VSIG10L: variants seen among roughly 807,000 people sequenced by gnomAD.
The protein encoded by VSIG10L is V-set and immunoglobulin domain-containing protein 10-like.
Under a neutral mutation model 67.3 loss-of-function variants are expected in VSIG10L, and 63 were observed. The ratio of observed to expected loss-of-function variants is 0.94; its 90% CI spans 0.76 to 1.15. VSIG10L has a LOEUF of 1.15. VSIG10L is among the 50% of genes most tolerant of loss of function. The probability of loss-of-function intolerance (pLI) is 0.00; values close to 1 mark genes in which losing one functional copy is unlikely to be tolerated. For missense variants in VSIG10L, 1,050 were observed against 1,177.5 expected (o/e 0.89, Z 1.58); for synonymous variants, 499 against 524.9 (o/e 0.95, Z 0.67).
At position 51,341,569 on chromosome 19, in the gene VSIG10L, T is replaced by A. The variant is rs765890530; in HGVS notation, c.479A>T (p.Asp160Val). ...SHTKLSVEAP[D>V]SKFSPDDMDL... Reference sequence around the variant, plus strand: ...CATATCATCCGGGGAGAATTTTGAATCTGGGGCCTCAACAGACAGTTTGGT... The same window carrying A: ...CATATCATCCGGGGAGAATTTTGAAACTGGGGCCTCAACAGACAGTTTGGT... The change falls in exon 2 of 10, where the codon GAT (aspartate) becomes GTT (valine). Residue 160 changes from aspartate to valine, a missense_variant. This residue lies in a region of VSIG10L where 511 missense variants were observed against 557.9 expected (regional missense o/e 0.92). Transcript: ENST00000335624. The A allele has an allele frequency of 1.3e-5, 20 of 1,551,544 alleles. No homozygotes were observed. Among genetic ancestry groups the A allele is most frequent in the African/African-American group, 1.2e-4 (9 of 73,020 alleles).
At chr19:51,337,574 A>G (rs1599833482) in intron 6 of VSIG10L, 40 bp from the exon 7 acceptor site, 30 of 620,966 alleles carry the variant, frequency 4.8e-5, no homozygotes, top group South Asian at 3.5e-4. Flanking sequence ...TGGGTGCCAG[A>G]GGGGAGAGGG....
At position 51,334,234 on chromosome 19, in the gene VSIG10L, G is replaced by A. The variant is rs747614925; in HGVS notation, c.2376C>T (p.Ala792=). ...AGCAGATGCAAAGGAGGAGAAGTAC[G>A]GCTAGCAGCGCCAGGCCCAGCAGGG... ...LGSLLGLALL[A]VLLLLCICCL... Residue 792 remains alanine, a synonymous_variant, in exon 8 of 10, where the codon GCC becomes GCT. Coordinates refer to ENST00000335624, the MANE Select transcript of VSIG10L (RefSeq NM_001163922.3). 5 of 1,551,780 alleles carry A rather than the reference G, an allele frequency of 3.2e-6. No individual in the cohort carries two copies. Among genetic ancestry groups the A allele is most frequent in the Non-Finnish European group, 3.5e-6 (4 of 1,147,022 alleles).
Position 51,340,469 on chromosome 19 carries a change from C to G in VSIG10L, c.1153G>C (p.Gly385Arg), listed in dbSNP as rs1482828639. 4.0e-6 allele frequency: 6 copies of G among 1,507,528 alleles called. No homozygotes were observed. The East Asian group carries it at 7.6e-5, about 19-fold the overall frequency. The allele number at this position is 1,507,528 out of a possible 1,614,324, so 93.4% of individuals were successfully genotyped here. Residue 385 changes from glycine to arginine, a missense_variant, in exon 3 of 10, where the codon GGC (glycine) becomes CGC (arginine). Physicochemically the swap from Gly to Arg is moderately radical, Grantham distance 125. Transcript: ENST00000335624. This position sits in a 1 kb window ranked among gnomAD's most constrained non-coding sequence, Gnocchi z 6.3. ...ACGTCGGCGGCAGCCTCCCTGTGGC[C>G]GAAGGGGCTGCGGACGCGGCAAGTG... Reference protein sequence around the residue: ...RYTCRVRSPFGHREAAADVSV... With the variant: ...RYTCRVRSPFRHREAAADVSV...
chr19:51,338,830 C>G, intron 5 of VSIG10L, 58 bp downstream of exon 5: 1 of 1,337,352 alleles, frequency 7.5e-7, no homozygotes, highest in Non-Finnish European at 9.7e-7. Context: ...TTCGAAGGAC[C>G]AAAGAAAAAG....
intron 5 of VSIG10L, 36 bp from the exon 6 acceptor site, chr19:51,338,244 A>G: frequency 6.9e-7 from 1 of 1,443,954 alleles, no homozygotes; most frequent in Non-Finnish European, 9.1e-7. Context: ...GAAAGTCAAG[A>G]CCTTACCTTG....
intron 5 of VSIG10L, among the ~76,000 whole-genome samples, chr19:51,338,668 A>G (rs1985548612): frequency 6.6e-6 from 1 of 152,112 alleles, no homozygotes; most frequent in African/African-American, 2.4e-5. Flanking sequence ...TGTGAAAGTG[A>G]TGGCCTTCTT....
intron 9 of VSIG10L, 84 bp from the exon 10 acceptor site, chr19:51,332,724 C>T: frequency 7.6e-7 from 1 of 1,310,604 alleles, no homozygotes; most frequent in East Asian, 2.6e-5. Context: ...TTTTCTAGCT[C>T]TTGCTTGAAC....
In VSIG10L at chr19:51,338,998, A is replaced by G; in HGVS notation, c.1619T>C (p.Val540Ala). ...GLPEGIRAGPVSSVLLAAVPA... is the reference protein window; with the variant it reads ...GLPEGIRAGPASSVLLAAVPA... Reference sequence around the variant, plus strand: ...GACGGCCGCCAGCAGCACAGAGGACACTGGCCCGGCGCGGATGCCTTCGGG... The same window carrying G: ...GACGGCCGCCAGCAGCACAGAGGACGCTGGCCCGGCGCGGATGCCTTCGGG... Residue 540 changes from valine to alanine, a missense_variant, in exon 5 of 10, where the codon GTG (valine) becomes GCG (alanine). Around this residue, in one of 3 missense-constraint regions of VSIG10L, gnomAD observed 529 missense variants for 584.9 expected, o/e 0.90. Transcript: ENST00000335624. 7.1e-7 allele frequency: 1 copy of G among 1,406,660 alleles called. No homozygotes were observed. Among genetic ancestry groups the G allele is most frequent in the Admixed American group, 3.3e-5 (1 of 30,596 alleles). The allele number at this position is 1,406,660 out of a possible 1,614,324, so 87.1% of individuals were successfully genotyped here. A position where few individuals can be genotyped will look rare whatever the true frequency, so the allele number is the denominator to read the frequency against.
intron 7 of VSIG10L, among the ~76,000 whole-genome samples, chr19:51,335,372 A>G (rs1289881715): frequency 1.3e-5 from 2 of 152,198 alleles, no homozygotes; most frequent in Non-Finnish European, 2.9e-5. Flanking sequence ...AAAGAGACCA[A>G]ATAAACTGCT....
intron 7 of VSIG10L, among the ~76,000 whole-genome samples, chr19:51,336,548 CCTT>C (rs897886141): frequency 3.3e-5 from 5 of 151,638 alleles, no homozygotes; most frequent in African/African-American, 1.2e-4. Flanking sequence ...GAGCAAAACT[CCTT>C]CTCAAAAAAG....
At chr19:51,333,529 CAAA>C (rs1190779104) in intron 9 of VSIG10L, among the ~76,000 whole-genome samples, 3 of 117,340 alleles carry the variant, frequency 2.6e-5, no homozygotes, top group Non-Finnish European at 3.7e-5. Flanking sequence ...ACTCTGTCTC[CAAA>C]AAAAAAAAAA....
At chr19:51,333,569 C>A (rs1027376257) in intron 9 of VSIG10L, among the ~76,000 whole-genome samples, 4 of 152,004 alleles carry the variant, frequency 2.6e-5, no homozygotes, top group Admixed American at 2.6e-4. Flanking sequence ...TATTTCCCTC[C>A]TTTGGAGAAG....
intron 4 of VSIG10L, 132 bp from the exon 5 acceptor site, chr19:51,339,274 T>A: frequency 1.0e-6 from 1 of 985,470 alleles, no homozygotes; most frequent in Non-Finnish European, 1.3e-6. Flanking sequence ...CCACTTTTCC[T>A]GCGATCCCGT....
At chr19:51,339,593 A>T (rs959268539) in intron 4 of VSIG10L, 11 of 206,784 alleles carry the variant, frequency 5.3e-5, no homozygotes, top group Non-Finnish European at 7.7e-5. Context: ...CCCCCTTGCC[A>T]GGTAACTTCT....
rs375283923 is a variant in VSIG10L, at chr19:51,341,441, C to T, written c.607G>A (p.Val203Met). The T allele has an allele frequency of 1.2e-3, 1,825 of 1,539,202 alleles. 44 individuals carry two copies. The South Asian group carries it at 0.021, about 17-fold the overall frequency. ...AGGGGGAGCCGGATGGTGGTCCCCACCAGCACAGCGAGTGGGCCCCCCACC... is the reference window on the plus strand; with the variant it reads ...AGGGGGAGCCGGATGGTGGTCCCCATCAGCACAGCGAGTGGGCCCCCCACC... ...QQVGGPLAVL[V>M]GTTIRLPLVP... is the part of the protein sequence containing the mutation. The change falls in exon 2 of 10, where the codon GTG (valine) becomes ATG (methionine). Residue 203 changes from valine (V) to methionine (M), a missense_variant. By Grantham distance (21) the Val-to-Met change is conservative (BLOSUM62 1). Transcript: ENST00000335624.
At chr19:51,335,935 G>A (rs918465991) in intron 7 of VSIG10L, among the ~76,000 whole-genome samples, 8 of 152,068 alleles carry the variant, frequency 5.3e-5, no homozygotes, top group Admixed American at 5.2e-4. Flanking sequence ...CCCAAAAAGT[G>A]AAGATCTTAA....
chr19:51,338,326 G>C, intron 5 of VSIG10L, 118 bp from the exon 6 acceptor site: 1 of 1,121,260 alleles, frequency 8.9e-7, no homozygotes, highest in African/African-American at 1.6e-5. Flanking sequence ...GGCCACCTGA[G>C]AAAGAACTGC....
Position 51,337,492 on chromosome 19 carries a change from G to A in VSIG10L, c.2051C>T (p.Ala684Val), listed in dbSNP as rs929718151. The change falls in exon 7 of 10, where the codon GCA (alanine) becomes GTA (valine). Residue 684 changes from alanine to valine, a missense_variant. Ala to Val is a moderately conservative substitution (Grantham distance 64). This residue lies in a region of VSIG10L where 529 missense variants were observed against 584.9 expected (regional missense o/e 0.90). Transcript: ENST00000335624. ...SSWRLQRARD[A>V]AVLTWDVERG... Reference sequence around the variant, plus strand: ...CTCCACATCCCAAGTCAGCACGGCTGCATCTCTGGCTCTCTGAAGCCTCCA... The same window carrying A: ...CTCCACATCCCAAGTCAGCACGGCTACATCTCTGGCTCTCTGAAGCCTCCA... The A allele has an allele frequency of 7.1e-6, 11 of 1,548,766 alleles. No homozygotes were observed. Among genetic ancestry groups the A allele is most frequent in the Non-Finnish European group, 9.6e-6 (11 of 1,144,796 alleles).
chr19:51,337,124 C>T, intron 7 of VSIG10L, 114 bp downstream of exon 7: 1 of 1,294,026 alleles, frequency 7.7e-7, no homozygotes, highest in Non-Finnish European at 1.0e-6. Flanking sequence ...TTCCTGTAGT[C>T]TCAAGCCATG....
Sources: gnomAD v4.1 joint callset for allele counts (sites outside exome capture counted in the v4.1 genomes callset) on GRCh38, gnomAD v4.1.1 for gene constraint, gnomAD v4.1.1 regional missense constraint, Gnocchi (gnomAD v3.1) non-coding constraint, MANE v1.5 for transcripts, NCBI Gene and HGNC (gene_info 2026-07-23, HGNC 2026-07-21) for gene names.